The following PACS1 variants were observed in gnomAD, a reference collection of about 807,000 sequenced individuals.
PACS1 encodes the protein phosphofurin acidic cluster sorting protein 1.
In PACS1, 24 loss-of-function variants were observed where a neutral mutation model predicts 115.0. That is an observed-to-expected ratio of 0.21 (90% CI 0.15 to 0.29). PACS1 has a LOEUF of 0.29. PACS1 is among the 10% of genes least tolerant of loss of function. The probability of loss-of-function intolerance (pLI) is 1.00; values close to 1 mark genes in which losing one functional copy is unlikely to be tolerated. For missense variants in PACS1, 838 were observed against 1,251.2 expected (o/e 0.67, Z 4.98); for synonymous variants, 453 against 504.5 (o/e 0.90, Z 1.37).
intron 7 of PACS1, chr11:66,217,201 G>A: frequency 3.5e-6 from 1 of 282,952 alleles, no homozygotes; most frequent in South Asian, 3.5e-5. Flanking sequence ...CTAGTCATGG[G>A]GTGCTCCTAT....
intron 19 of PACS1, 24 bp from the exon 20 acceptor site, chr11:66,238,780 T>C: frequency 6.3e-7 from 1 of 1,577,166 alleles, no homozygotes; most frequent in South Asian, 1.2e-5. Context: ...GAGGATCTAA[T>C]GAGTGCCTCT....
chr11:66,241,590 G>A lies in PACS1; in HGVS notation c.2593G>A (p.Gly865Arg). 2 of 1,614,172 alleles carry A rather than the reference G, an allele frequency of 1.2e-6. No individual in the cohort carries two copies. Among genetic ancestry groups the A allele is most frequent in the Non-Finnish European group, 8.5e-7 (1 of 1,180,016 alleles). The change falls in exon 22 of 24, where the codon GGG becomes AGG. Residue 865 changes from glycine to arginine, a missense_variant. Physicochemically the swap from Gly to Arg is moderately radical, Grantham distance 125 (BLOSUM62 -2). Coordinates refer to ENST00000320580, the MANE Select transcript of PACS1 (RefSeq NM_018026.4). ...GCAGGTGTCCCGCCTGCCCCATAGT[G>A]GGGAGGCCCAGCTTTCTGGCACCAT... is the stretch of plus-strand genomic sequence containing the variant. Reference protein sequence around the residue: ...SVQVSRLPHSGEAQLSGTMAM... With the variant: ...SVQVSRLPHSREAQLSGTMAM...
chr11:66,202,782 T>TATATATATATA (rs1854845586), intron 2 of PACS1, among the ~76,000 whole-genome samples: 12 of 119,654 alleles, frequency 1.0e-4, no homozygotes, highest in African/African-American at 1.6e-4. Flanking sequence ...TATATATATA[T>TATATATATATA]TCTGAAAAAG....
chr11:66,083,373 A>G (rs569731380), intron 1 of PACS1, among the ~76,000 whole-genome samples: 1 of 152,306 alleles, frequency 6.6e-6, no homozygotes, highest in South Asian at 2.1e-4. Flanking sequence ...AGGTAGTCCT[A>G]TCTCTCCTTT....
chr11:66,205,990 A>G lies in PACS1; in HGVS notation c.445-4372A>G, dbSNP rs183328646. 3.1e-3 allele frequency among the ~76,000 whole-genome samples: 477 copies of G among 152,318 alleles called. 1 individual carries two copies. Among genetic ancestry groups the G allele is most frequent in the African/African-American group, 0.011 (445 of 41,572 alleles). On this transcript the variant is annotated intron_variant, in intron 2 of 23. Coordinates refer to ENST00000320580, the MANE Select transcript of PACS1 (RefSeq NM_018026.4). ...TGGTCAAACCCCATCTCTACTAAAAATACAAAAATTAGCCCGGCATTTTGG... is the reference window on the plus strand; with the variant it reads ...TGGTCAAACCCCATCTCTACTAAAAGTACAAAAATTAGCCCGGCATTTTGG...
In PACS1 at chr11:66,219,815, CT is replaced by C; in HGVS notation, c.1038+12del. ...TAAAGTTTCAGATGAGGTATGGCCT[CT>C]TACTCCCAAGGTTAATGGTGAGTAG... On this transcript the variant is annotated intron_variant, in intron 8 of 23. Coordinates refer to ENST00000320580, the MANE Select transcript of PACS1 (RefSeq NM_018026.4). 6.2e-7 allele frequency: 1 copy of C among 1,600,378 alleles called. No individual in the cohort carries two copies. The highest frequency in any genetic ancestry group is 8.6e-7 in the Non-Finnish European group (1 of 1,167,540).
intron 1 of PACS1, among the ~76,000 whole-genome samples, chr11:66,167,018 A>G (rs1859620202): frequency 6.6e-6 from 1 of 150,424 alleles, no homozygotes. Flanking sequence ...TGATTGTACC[A>G]GTTGATACTC....
intron 1 of PACS1, among the ~76,000 whole-genome samples, chr11:66,083,497 G>C (rs1261676001): frequency 6.6e-6 from 1 of 152,180 alleles, no homozygotes; most frequent in African/African-American, 2.4e-5. Flanking sequence ...GGGGAAGCAA[G>C]CTTGGGCTGG....
At chr11:66,079,048 C>A (rs563529527) in intron 1 of PACS1, among the ~76,000 whole-genome samples, 11 of 152,332 alleles carry the variant, frequency 7.2e-5, no homozygotes, top group African/African-American at 2.6e-4. Flanking sequence ...GCTGGGATTA[C>A]AGGTGCATAC....
chr11:66,151,553 G>A (rs982639851), intron 1 of PACS1, among the ~76,000 whole-genome samples: 1 of 152,140 alleles, frequency 6.6e-6, no homozygotes, highest in African/African-American at 2.4e-5. Context: ...TGCTTCATAC[G>A]ACAGGAGAGA....
intron 1 of PACS1, among the ~76,000 whole-genome samples, chr11:66,130,840 C>G (rs751979393): frequency 6.6e-6 from 1 of 152,096 alleles, no homozygotes; most frequent in Non-Finnish European, 1.5e-5. Flanking sequence ...GAGGCTGAGG[C>G]AGAAGGATCG....
chr11:66,238,720 T>C (rs1590842666), intron 19 of PACS1, 84 bp from the exon 20 acceptor site: 29 of 1,227,826 alleles, frequency 2.4e-5, no homozygotes, highest in Non-Finnish European at 3.3e-5. Flanking sequence ...TGATGGCTCT[T>C]GTGCCACCAA....
chr11:66,121,549 A>G (rs1417072936), intron 1 of PACS1, among the ~76,000 whole-genome samples: 1 of 152,250 alleles, frequency 6.6e-6, no homozygotes, highest in African/African-American at 2.4e-5. Context: ...GGCGTCTTGC[A>G]GCAGTTAACT....
chr11:66,213,843 C>G (rs1855135513), intron 4 of PACS1, among the ~76,000 whole-genome samples: 2 of 152,044 alleles, frequency 1.3e-5, no homozygotes, highest in South Asian at 4.1e-4. Flanking sequence ...ACCATCCTGG[C>G]TAACACGGTG....
chr11:66,238,865 T>G lies in PACS1; in HGVS notation c.2293+19T>G, dbSNP rs1456947217. The G allele has an allele frequency of 6.4e-7, 1 of 1,567,630 alleles. No individual in the cohort carries two copies. Among genetic ancestry groups the G allele is most frequent in the Non-Finnish European group, 8.7e-7 (1 of 1,154,278 alleles). On this transcript the variant is annotated intron_variant, in intron 20 of 23. Coordinates refer to ENST00000320580, the MANE Select transcript of PACS1 (RefSeq NM_018026.4). ...ACAGCAGGTGAGGCTGGGGCTCCCT[T>G]GTTCTGTGGAGTGAGGCTGGTGCCC...
At chr11:66,093,397 T>C (rs1319174907) in intron 1 of PACS1, among the ~76,000 whole-genome samples, 4 of 147,362 alleles carry the variant, frequency 2.7e-5, no homozygotes, top group Non-Finnish European at 6.0e-5. Flanking sequence ...GTTGCAATCC[T>C]AGTCTCTGAT....
chr11:66,234,103 T>C, intron 16 of PACS1, 29 bp from the exon 17 acceptor site: 1 of 1,568,856 alleles, frequency 6.4e-7, no homozygotes, highest in South Asian at 1.1e-5. Flanking sequence ...TCCTGACGAA[T>C]TCACCACCTC....
chr11:66,176,771 G>A (rs540228576), intron 1 of PACS1, among the ~76,000 whole-genome samples: 20 of 152,100 alleles, frequency 1.3e-4, no homozygotes, highest in Middle Eastern at 3.4e-3. Context: ...CAGTTCTGTG[G>A]CTTTGAACAT....
In PACS1 at chr11:66,243,546, GT is replaced by G; in HGVS notation, c.*267del. The G allele has an allele frequency of 2.0e-6, 1 of 506,230 alleles. No homozygotes were observed. Among genetic ancestry groups the G allele is most frequent in the South Asian group, 2.3e-5 (1 of 43,232 alleles). The allele number at this position is 506,230 out of a possible 1,614,324, so 31.4% of individuals were successfully genotyped here. ...CAAGGCGTGTTGGTTTTGCCTTCTG[GT>G]GCCCATAGTCCCCTGGACTGAGTCC... is the stretch of plus-strand genomic sequence containing the variant. On this transcript the variant is annotated 3_prime_UTR_variant, in exon 24 of 24. Transcript: ENST00000320580.
Sources: allele counts gnomAD v4.1 joint callset (sites outside exome capture counted in the v4.1 genomes callset), GRCh38; gene constraint gnomAD v4.1.1; transcripts MANE v1.5; gene names NCBI Gene and HGNC (gene_info 2026-07-23, HGNC 2026-07-21).